Variants in CSMD1 observed in about 807,000 individuals in gnomAD.
CSMD1 encodes the protein CUB and Sushi multiple domains 1, also known as CUB and sushi domain-containing protein 1.
In CSMD1, 213 loss-of-function variants were observed where a neutral mutation model predicts 417.5. The ratio of observed to expected loss-of-function variants is 0.51; its 90% CI spans 0.46 to 0.57. The LOEUF is 0.57. CSMD1 is among the 20% of genes least tolerant of loss of function. The pLI is 0.00. For missense variants in CSMD1, 6,923 were observed against 4,529.7 expected (o/e 1.53, Z -15.17); for synonymous variants, 2,862 against 1,736.8 (o/e 1.65, Z -16.11).
chr8:3,508,820 G>C (rs1224915170), intron 10 of CSMD1, among the ~76,000 whole-genome samples: 2 of 152,166 alleles, frequency 1.3e-5, no homozygotes, highest in Non-Finnish European at 2.9e-5. Flanking sequence ...ATTATGGAAA[G>C]AGACACATCA....
At chr8:4,801,572 A>T (rs1329344965) in intron 1 of CSMD1, among the ~76,000 whole-genome samples, 1 of 152,082 alleles carries the variant, frequency 6.6e-6, no homozygotes, top group Non-Finnish European at 1.5e-5. Context: ...ACTCTTTTGC[A>T]TATCTCAATC....
chr8:3,955,585 C>CA, intron 5 of CSMD1, among the ~76,000 whole-genome samples: 1 of 152,240 alleles, frequency 6.6e-6, no homozygotes, highest in African/African-American at 2.4e-5. Flanking sequence ...GAGATTGGTG[C>CA]TACCTGCCCT....
intron 1 of CSMD1, among the ~76,000 whole-genome samples, chr8:4,695,179 T>C (rs1807034858): frequency 6.6e-6 from 1 of 152,096 alleles, no homozygotes; most frequent in African/African-American, 2.4e-5. Flanking sequence ...ACTCTTTATT[T>C]CTCGAAGTTA....
chr8:4,888,889 C>A (rs1175893260), intron 1 of CSMD1, among the ~76,000 whole-genome samples: 1 of 151,900 alleles, frequency 6.6e-6, no homozygotes, highest in Non-Finnish European at 1.5e-5. Context: ...GATTTGTAAC[C>A]CATACATTCA....
intron 10 of CSMD1, among the ~76,000 whole-genome samples, chr8:3,495,301 C>T (rs552119508): frequency 2.0e-5 from 3 of 152,240 alleles, no homozygotes; most frequent in African/African-American, 7.2e-5. Context: ...CTGCTGGTTT[C>T]CTTTCCGACA....
chr8:3,057,887 G>A (rs1455978993), intron 49 of CSMD1, among the ~76,000 whole-genome samples: 4 of 152,018 alleles, frequency 2.6e-5, no homozygotes, highest in African/African-American at 9.7e-5. Flanking sequence ...TATTTCCCGC[G>A]ACACTGAACA....
intron 11 of CSMD1, among the ~76,000 whole-genome samples, chr8:3,490,372 G>C (rs989603805): frequency 3.3e-5 from 5 of 152,148 alleles, no homozygotes; most frequent in African/African-American, 1.2e-4. Context: ...ATTAAAAAAT[G>C]AGTGTATGAT....
chr8:3,073,920 A>C (rs891958266), intron 49 of CSMD1, among the ~76,000 whole-genome samples: 1 of 152,086 alleles, frequency 6.6e-6, no homozygotes, highest in African/African-American at 2.4e-5. Flanking sequence ...AATTATAATG[A>C]TTTCTTTTTA....
intron 5 of CSMD1, among the ~76,000 whole-genome samples, chr8:3,792,565 C>A (rs933726245): frequency 1.3e-5 from 2 of 152,182 alleles, no homozygotes; most frequent in East Asian, 3.9e-4. Flanking sequence ...TTGGAATTGA[C>A]TCCTCCTTTG....
Position 3,188,933 on chromosome 8 carries a change from A to G in CSMD1, c.5477T>C (p.Leu1826Ser). ...PGYPEPYGNN[L>S]NCIWKIIVTE... is the part of the protein sequence containing the mutation. ...AACTATGATCTTCCATATACAGTTC[A>G]AGTTGTTTCCGTATGGCTCAGGGTA... is the stretch of plus-strand genomic sequence containing the variant. The change falls in exon 35 of 70, where the codon TTG (leucine) becomes TCG (serine). Residue 1826 changes from leucine (L) to serine (S), a missense_variant. Transcript: ENST00000635120. The G allele has an allele frequency of 6.2e-7, 1 of 1,610,234 alleles. No individual in the cohort carries two copies. The highest frequency in any genetic ancestry group is 8.5e-7 in the Non-Finnish European group (1 of 1,178,178).
At chr8:3,165,391 C>T (rs1820142971) in intron 37 of CSMD1, among the ~76,000 whole-genome samples, 1 of 151,974 alleles carries the variant, frequency 6.6e-6, no homozygotes, top group African/African-American at 2.4e-5. Flanking sequence ...TTCAAGTCAT[C>T]ATGAGAACAG....
intron 23 of CSMD1, among the ~76,000 whole-genome samples, 167 bp from the exon 24 acceptor site, chr8:3,308,670 T>C (rs1329657146): frequency 6.6e-6 from 1 of 151,942 alleles, no homozygotes; most frequent in African/African-American, 2.4e-5. Context: ...ACTGGGGCTA[T>C]TTGTTACCCA....
At chr8:4,486,128 TA>T (rs1801370181) in intron 2 of CSMD1, among the ~76,000 whole-genome samples, 1 of 36,404 alleles carries the variant, frequency 2.7e-5, no homozygotes, top group African/African-American at 9.0e-5. Flanking sequence ...CATACATATA[TA>T]TATATATACA....
At chr8:3,353,893 G>C (rs1397362910) in intron 21 of CSMD1, among the ~76,000 whole-genome samples, 4 of 152,116 alleles carry the variant, frequency 2.6e-5, no homozygotes, top group Non-Finnish European at 5.9e-5. Context: ...ACAGAAGAAA[G>C]GAGTTAATTG....
intron 54 of CSMD1, among the ~76,000 whole-genome samples, chr8:2,987,759 G>C (rs537984800): frequency 1.3e-5 from 2 of 152,306 alleles, no homozygotes; most frequent in African/African-American, 4.8e-5. Context: ...CCAGCGGCGC[G>C]CATAAGGGCA....
rs375803861 is a variant in CSMD1 at position 3,110,393 on chromosome 8, G to C, written c.6431-58C>G. ...TACAGCTGATTTTAGAGAGTAGAAA[G>C]CTAAATATTTGACTCCAAAGTACCT... On this transcript the variant is annotated intron_variant, in intron 42 of 69. Coordinates refer to ENST00000635120, the MANE Select transcript of CSMD1 (RefSeq NM_033225.6). 3,961 of 1,297,460 alleles carry C rather than the reference G, an allele frequency of 3.1e-3. 16 individuals are homozygous for C. The highest frequency in any genetic ancestry group is 0.016 in the South Asian group (1,039 of 63,348). 80.4% of individuals were successfully genotyped at this position (1,297,460 alleles called of 1,614,324 possible).
rs968570741 is a variant in CSMD1 at position 4,024,693 on chromosome 8, G to T, written c.610+7212C>A. 3.3e-5 allele frequency among the ~76,000 whole-genome samples: 5 copies of T among 152,234 alleles called. No homozygotes were observed. The East Asian group carries it at 5.8e-4, about 18-fold the overall frequency. On this transcript the variant is annotated intron_variant, in intron 4 of 69. Transcript: ENST00000635120. The stretch of plus-strand genomic sequence containing the variant: ...AGACACTGCATAAATGTGACTTGTG[G>T]ATACCTTCCTATGGTGGTTCATTGG...
intron 3 of CSMD1, among the ~76,000 whole-genome samples, chr8:4,089,352 G>C (rs142857181): frequency 6.6e-6 from 1 of 152,290 alleles, no homozygotes; most frequent in East Asian, 1.9e-4. Flanking sequence ...GGAAAGCACA[G>C]GCTTTCACTG....
chr8:4,028,264 T>C (rs1797166234), intron 4 of CSMD1, among the ~76,000 whole-genome samples: 2 of 152,132 alleles, frequency 1.3e-5, no homozygotes, highest in African/African-American at 2.4e-5. Context: ...TTAGCACAAA[T>C]ACCTTGAGCA....
Sources: allele counts gnomAD v4.1 joint callset (sites outside exome capture counted in the v4.1 genomes callset), GRCh38; gene constraint gnomAD v4.1.1; transcripts MANE v1.5; gene names NCBI Gene and HGNC (gene_info 2026-07-23, HGNC 2026-07-21).